ZFP28: variants seen among roughly 807,000 people sequenced by gnomAD.
ZFP28 encodes the protein zinc finger protein 28 homolog.
ZFP28 carries 31 observed loss-of-function variants against 39.5 expected under a neutral mutation model. The ratio of observed to expected loss-of-function variants is 0.79; its 90% confidence interval spans 0.59 to 1.06. The LOEUF (loss-of-function observed/expected upper bound fraction) is 1.06, where lower values mean the gene tolerates loss of function less well. Ranked by LOEUF, ZFP28 falls within the 50% of genes least tolerant of loss-of-function variation. ZFP28 has a pLI of 0.00. For missense variants in ZFP28, 925 were observed against 1,048.4 expected, an observed-to-expected ratio of 0.88 and a Z score of 1.63; for synonymous variants, 400 against 378.6, an observed-to-expected ratio of 1.06 and a Z score of -0.66.
In ZFP28 at chr19:56,547,400, G is replaced by A; in HGVS notation, c.301-108G>A. The A allele has an allele frequency of 1.3e-6, 2 of 1,517,102 alleles. No individual in the cohort carries two copies. Among genetic ancestry groups the A allele is most frequent in the Non-Finnish European group, 1.8e-6 (2 of 1,106,250 alleles). The allele number at this position is 1,517,102 out of a possible 1,614,324, so 94.0% of individuals were successfully genotyped here. ...CATTCAAAAGTACTGGGGATTAGGA[G>A]TTTAATGTAGGAGTTTTGTCAGGGG... On this transcript the variant is annotated intron_variant, in intron 2 of 7. Coordinates refer to ENST00000301318, the MANE Select transcript of ZFP28 (RefSeq NM_020828.2). The surrounding 1 kb of genome is among the most constrained non-coding windows in gnomAD (Gnocchi z 4.6).
intron 2 of ZFP28, 23 bp downstream of exon 2, chr19:56,539,739 GTC>G (rs2044178317): frequency 6.2e-7 from 1 of 1,603,474 alleles, no homozygotes. Context: ...TTCATCTCTT[GTC>G]TCTGAAATGC....
chr19:56,538,273 A>C (rs570065675), upstream of ZFP28: 2 of 152,254 alleles, frequency 1.3e-5, no homozygotes, highest in East Asian at 3.9e-4. Context: ...GATCCTCCGG[A>C]CTCCGGAGGC....
chr19:56,553,709 G>T lies in ZFP28; in HGVS notation c.924G>T (p.Gln308His). Reference protein sequence around the residue: ...FSGQRSVHETQELFPKQDSYA... With the variant: ...FSGQRSVHETHELFPKQDSYA... Reference sequence around the variant, plus strand: ...GCCAGCGATCTGTACATGAGACCCAGGAATTATTTCCAAAGCAAGATTCAT... The same window carrying T: ...GCCAGCGATCTGTACATGAGACCCATGAATTATTTCCAAAGCAAGATTCAT... The change falls in exon 8 of 8, where the codon CAG becomes CAT. Residue 308 changes from glutamine (Q) to histidine (H), a missense_variant. Around this residue, in one of 2 missense-constraint regions of ZFP28, gnomAD observed 556 missense variants for 542.9 expected, o/e 1.02. Coordinates refer to ENST00000301318, the MANE Select transcript of ZFP28 (RefSeq NM_020828.2). 2 of 1,611,314 alleles carry T rather than the reference G, an allele frequency of 1.2e-6. No individual in the cohort carries two copies. The highest frequency in any genetic ancestry group is 2.2e-5 in the South Asian group (2 of 90,580).
At chr19:56,538,857 G>GGGCGC (rs2044163086), upstream of ZFP28, 1 of 339,904 alleles carries the variant, frequency 2.9e-6, no homozygotes, top group East Asian at 8.7e-5. Context: ...GGGAGGGGCG[G>GGGCGC]GGCGCGGCCG....
In ZFP28 at chr19:56,539,108, C is replaced by A; in HGVS notation, c.90C>A (p.Gly30=). The change falls in exon 1 of 8, where the codon GGC becomes GGA. Residue 30 remains glycine, a synonymous_variant. Transcript: ENST00000301318. ...APRTKPRAGR[G]PTVGTPATLA... ...GCACAAAGCCCCGGGCGGGCCGAGG[C>A]CCGACTGTAGGGACTCCAGCCACCT... 1 of 1,561,488 alleles carries A rather than the reference C, an allele frequency of 6.4e-7. No individual in the cohort carries two copies. The highest frequency in any genetic ancestry group is 1.8e-5 in the Admixed American group (1 of 54,572).
intron 7 of ZFP28, 186 bp downstream of exon 7, chr19:56,550,791 T>C (rs2044294204): frequency 1.3e-6 from 2 of 1,518,300 alleles, no homozygotes; most frequent in Non-Finnish European, 1.8e-6. Flanking sequence ...TTCTCTCCAG[T>C]AACTGCCATT....
At chr19:56,548,771 T>C (rs561023925) in intron 4 of ZFP28, among the ~76,000 whole-genome samples, 187 bp from the exon 5 acceptor site, 7 of 152,302 alleles carry the variant, frequency 4.6e-5, no homozygotes, top group Non-Finnish European at 7.4e-5. Flanking sequence ...AATTTAGGAA[T>C]GTAGGGTTGG....
At chr19:56,544,176 A>G (rs1487812676) in intron 2 of ZFP28, among the ~76,000 whole-genome samples, 1 of 152,254 alleles carries the variant, frequency 6.6e-6, no homozygotes, top group Non-Finnish European at 1.5e-5. Context: ...AGAAATTTAC[A>G]GGCAAGACAC....
At chr19:56,541,645 C>T (rs2044196087) in intron 2 of ZFP28, among the ~76,000 whole-genome samples, 1 of 152,110 alleles carries the variant, frequency 6.6e-6, no homozygotes, top group South Asian at 2.1e-4. Flanking sequence ...GAAAAATCGC[C>T]TTCTCATTTT....
Position 56,550,583 on chromosome 19 carries a change from G to A in ZFP28, c.876G>A (p.Glu292=). ...QEKEPWMVKR[E]LTGSLFSGQR... is the part of the protein sequence containing the mutation. ...AGGAGCCCTGGATGGTGAAGCGAGA[G>A]CTGACAGGAAGCCTGTTCTCAGGTG... Residue 292 remains glutamate, a synonymous_variant, in exon 7 of 8, where the codon GAG becomes GAA. Coordinates refer to ENST00000301318, the MANE Select transcript of ZFP28 (RefSeq NM_020828.2). 1 of 1,614,154 alleles carries A rather than the reference G, an allele frequency of 6.2e-7. No homozygotes were observed. The highest frequency in any genetic ancestry group is 8.5e-7 in the Non-Finnish European group (1 of 1,180,038).
chr19:56,545,195 C>T (rs1426539152), intron 2 of ZFP28, among the ~76,000 whole-genome samples: 2 of 152,220 alleles, frequency 1.3e-5, no homozygotes, highest in Non-Finnish European at 2.9e-5. Context: ...GTTTACACTG[C>T]AGGGGGCCTT....
At chr19:56,550,454 T>G (rs1291502980) in intron 6 of ZFP28, 56 bp from the exon 7 acceptor site, 4 of 1,478,330 alleles carry the variant, frequency 2.7e-6, no homozygotes, top group Non-Finnish European at 3.7e-6. Flanking sequence ...GAAGTGGTTC[T>G]CAATTTTAGG....
At chr19:56,548,032 G>T in intron 4 of ZFP28, 130 bp downstream of exon 4, 1 of 762,434 alleles carries the variant, frequency 1.3e-6, no homozygotes, top group Admixed American at 3.1e-5. Context: ...TTACTATTTG[G>T]GAATACAGAA....
intron 6 of ZFP28, 26 bp downstream of exon 6, chr19:56,550,207 G>A (rs779776320): frequency 6.3e-7 from 1 of 1,581,000 alleles, no homozygotes; most frequent in African/African-American, 1.3e-5. Flanking sequence ...TCCCATATTT[G>A]AATCTATCGT....
At chr19:56,549,643 C>G (rs1314974086) in intron 5 of ZFP28, among the ~76,000 whole-genome samples, 2 of 151,794 alleles carry the variant, frequency 1.3e-5, no homozygotes, top group African/African-American at 2.4e-5. Flanking sequence ...CGCCACTGCA[C>G]TCCAGCCTGG....
In ZFP28 at chr19:56,554,004, G is replaced by T. The variant is rs201205029; in HGVS notation, c.1219G>T (p.Val407Leu). Residue 407 changes from valine (V) to leucine (L), a missense_variant, in exon 8 of 8, where the codon GTA (valine) becomes TTA (leucine). By Grantham distance (32) the Val-to-Leu change is conservative (BLOSUM62 1). This residue lies in a region of ZFP28 where 556 missense variants were observed against 542.9 expected (regional missense o/e 1.02). Coordinates refer to ENST00000301318, the MANE Select transcript of ZFP28 (RefSeq NM_020828.2). The surrounding 1 kb of genome is among the most constrained non-coding windows in gnomAD (Gnocchi z 6.7). ...TAAAAATTTTCAAAAAAGTTCAGTGGTAATAAAACAAACAGGCATCTATGC... is the reference window on the plus strand; with the variant it reads ...TAAAAATTTTCAAAAAAGTTCAGTGTTAATAAAACAAACAGGCATCTATGC... ...SIKNFQKSSVVIKQTGIYAGK... is the reference protein window; with the variant it reads ...SIKNFQKSSVLIKQTGIYAGK... The T allele has an allele frequency of 3.2e-5, 51 of 1,611,860 alleles. No individual in the cohort carries two copies. The South Asian group carries it at 4.6e-4, about 15-fold the overall frequency.
Position 56,553,870 on chromosome 19 carries a change from T to A in ZFP28, c.1085T>A (p.Ile362Asn). Reference protein sequence around the residue: ...GQETQFRQEPITHNKTLSKER... With the variant: ...GQETQFRQEPNTHNKTLSKER... ...GAGACACAATTCAGGCAAGAGCCAA[T>A]TACTCATAACAAAACCCTCTCTAAG... Residue 362 changes from isoleucine (I) to asparagine (N), a missense_variant, in exon 8 of 8, where the codon ATT becomes AAT. Ile to Asn is a moderately radical substitution (Grantham distance 149, BLOSUM62 -3). Coordinates refer to ENST00000301318, the MANE Select transcript of ZFP28 (RefSeq NM_020828.2). 1 of 1,614,100 alleles carries A rather than the reference T, an allele frequency of 6.2e-7. No homozygotes were observed. Among genetic ancestry groups the A allele is most frequent in the South Asian group, 1.1e-5 (1 of 91,078 alleles).
intron 1 of ZFP28, 25 bp downstream of exon 1, chr19:56,539,251 C>T (rs1160259261): frequency 1.9e-6 from 3 of 1,572,278 alleles, no homozygotes; most frequent in African/African-American, 2.7e-5. Flanking sequence ...TGTTTGGGGC[C>T]GAGCGGACAG....
chr19:56,539,092 C>A lies in ZFP28; in HGVS notation c.74C>A (p.Pro25His), dbSNP rs1600536551. ...GGTAGAGGCGCCCCCCGCACAAAGCCCCGGGCGGGCCGAGGCCCGACTGTA... is the reference window on the plus strand; with the variant it reads ...GGTAGAGGCGCCCCCCGCACAAAGCACCGGGCGGGCCGAGGCCCGACTGTA... ...LPGRGAPRTK[P>H]RAGRGPTVGT... The change falls in exon 1 of 8, where the codon CCC (proline) becomes CAC (histidine). Residue 25 changes from proline to histidine, a missense_variant. By Grantham distance (77) the Pro-to-His change is moderately conservative. Coordinates refer to ENST00000301318, the MANE Select transcript of ZFP28 (RefSeq NM_020828.2). The A allele has an allele frequency of 5.2e-6, 8 of 1,540,816 alleles. No homozygotes were observed. Among genetic ancestry groups the A allele is most frequent in the Non-Finnish European group, 7.0e-6 (8 of 1,149,112 alleles).
Sources: gnomAD v4.1 joint callset for allele counts (sites outside exome capture counted in the v4.1 genomes callset) on GRCh38, gnomAD v4.1.1 for gene constraint, gnomAD v4.1.1 regional missense constraint, Gnocchi (gnomAD v3.1) non-coding constraint, MANE v1.5 for transcripts, NCBI Gene and HGNC (gene_info 2026-07-23, HGNC 2026-07-21) for gene names.